KALRN: variants seen among roughly 807,000 people sequenced by gnomAD.
KALRN encodes kalirin RhoGEF kinase, also known as kalirin.
KALRN carries 70 observed loss-of-function variants against 353.7 expected under a neutral mutation model. The ratio of observed to expected loss-of-function variants is 0.20; its 90% CI spans 0.16 to 0.24. KALRN has a LOEUF of 0.24. KALRN is among the 10% of genes least tolerant of loss of function. The pLI is 1.00. For missense variants in KALRN, 2,791 were observed against 3,756.7 expected (o/e 0.74, Z 6.72); for synonymous variants, 1,391 against 1,434.8 (o/e 0.97, Z 0.69).
rs190071372 is a variant in KALRN at position 124,431,638 on chromosome 3, G to A, written c.2829+863G>A. Among the ~76,000 whole-genome samples the A allele has an allele frequency of 7.2e-5, 11 of 152,232 alleles. No individual in the cohort carries two copies. The East Asian group carries it at 1.7e-3, about 24-fold the overall frequency. ...AAAGACATTCATTACTTATGGTTCA[G>A]TATAGAATTCAACCCACTTCTGAGC... On this transcript the variant is annotated intron_variant, in intron 16 of 59. Transcript: ENST00000682506.
chr3:124,075,878 A>G (rs1235858651), intron 1 of KALRN, among the ~76,000 whole-genome samples: 1 of 152,180 alleles, frequency 6.6e-6, no homozygotes, highest in African/African-American at 2.4e-5. Context: ...GGAGCTGAGC[A>G]TGCTGTCTGA....
chr3:124,392,657 T>C (rs764325196), intron 11 of KALRN, among the ~76,000 whole-genome samples: 33 of 149,234 alleles, frequency 2.2e-4, no homozygotes, highest in Non-Finnish European at 4.3e-4. Flanking sequence ...CAGGCTGGAG[T>C]GCAGCGGTGC....
chr3:124,355,528 G>A (rs878857506), intron 10 of KALRN, among the ~76,000 whole-genome samples: 1 of 151,960 alleles, frequency 6.6e-6, no homozygotes, highest in African/African-American at 2.4e-5. Context: ...AAGAATAAAA[G>A]GTATAGTGAA....
At chr3:124,281,950 A>T (rs1447780208) in intron 5 of KALRN, among the ~76,000 whole-genome samples, 1 of 152,188 alleles carries the variant, frequency 6.6e-6, no homozygotes, top group Non-Finnish European at 1.5e-5. Flanking sequence ...TAGGAACGCT[A>T]CCTTAATGCA....
At chr3:124,057,308 A>G (rs1024294572) in intron 1 of KALRN, among the ~76,000 whole-genome samples, 2 of 152,182 alleles carry the variant, frequency 1.3e-5, no homozygotes, top group Non-Finnish European at 2.9e-5. Context: ...ACTGGGATTG[A>G]GGGAACAGAA....
At chr3:124,111,175 T>A (rs2062930371) in intron 1 of KALRN, among the ~76,000 whole-genome samples, 1 of 152,228 alleles carries the variant, frequency 6.6e-6, no homozygotes, top group Non-Finnish European at 1.5e-5. Flanking sequence ...AAAGACCATC[T>A]TAGAACCCCA....
intron 13 of KALRN, among the ~76,000 whole-genome samples, chr3:124,409,269 A>T (rs189597588): frequency 6.6e-6 from 1 of 152,346 alleles, no homozygotes; most frequent in East Asian, 1.9e-4. Flanking sequence ...CTTGTGTTCC[A>T]TCTTTCATTC....
At chr3:124,385,209 G>A (rs1258242019) in intron 11 of KALRN, among the ~76,000 whole-genome samples, 173 bp downstream of exon 11, 1 of 152,132 alleles carries the variant, frequency 6.6e-6, no homozygotes, top group East Asian at 1.9e-4. Context: ...AGGTCTCTCC[G>A]AATGGGGCAA....
At chr3:124,391,878 C>T (rs1472251029) in intron 11 of KALRN, among the ~76,000 whole-genome samples, 1 of 152,124 alleles carries the variant, frequency 6.6e-6, no homozygotes, top group Non-Finnish European at 1.5e-5. Context: ...CCTCGGTTAT[C>T]CTGAGACAAA....
In KALRN at chr3:124,722,195, G is replaced by C. The variant is rs1236879998; in HGVS notation, c.*2725G>C. ...GACCACGGCAGGTGGGGGACAAGGA[G>C]GGTATTTTTGAAATTATGTTATGGG... On this transcript the variant is annotated 3_prime_UTR_variant, in exon 60 of 60. Coordinates refer to ENST00000682506, the MANE Select transcript of KALRN (RefSeq NM_001388419.1). 1 of 152,100 alleles carries C rather than the reference G, an allele frequency of 6.6e-6. No individual in the cohort carries two copies. The highest frequency in any genetic ancestry group is 1.5e-5 in the Non-Finnish European group (1 of 68,062). 9.4% of individuals were successfully genotyped at this position (152,100 alleles called of 1,614,324 possible). A position where few individuals can be genotyped will look rare whatever the true frequency, so the allele number is the denominator to read the frequency against.
chr3:124,523,434 G>A (rs543520961), intron 33 of KALRN, among the ~76,000 whole-genome samples: 12 of 152,232 alleles, frequency 7.9e-5, no homozygotes, highest in Admixed American at 4.6e-4. Flanking sequence ...GGTATTTTAC[G>A]GAGAAAATGC....
At chr3:124,513,522 C>T (rs947763284) in intron 33 of KALRN, among the ~76,000 whole-genome samples, 1 of 152,134 alleles carries the variant, frequency 6.6e-6, no homozygotes, top group South Asian at 2.1e-4. Flanking sequence ...ACAGCTCCCC[C>T]GAACCCATTA....
intron 3 of KALRN, among the ~76,000 whole-genome samples, chr3:124,261,328 G>T (rs1241094058): frequency 6.6e-6 from 1 of 152,116 alleles, no homozygotes; most frequent in Non-Finnish European, 1.5e-5. Flanking sequence ...TTATTGTTAG[G>T]ATATAATGAA....
chr3:124,250,272 C>T (rs2070941852), intron 3 of KALRN, among the ~76,000 whole-genome samples: 1 of 152,210 alleles, frequency 6.6e-6, no homozygotes, highest in South Asian at 2.1e-4. Flanking sequence ...GAGGATTCCA[C>T]CTGGCCTGCC....
intron 1 of KALRN, chr3:124,100,453 A>T (rs2061771010): frequency 6.6e-6 from 1 of 152,170 alleles, no homozygotes; most frequent in Non-Finnish European, 1.5e-5. Flanking sequence ...GGAAAATGGG[A>T]TATCTATATT....
intron 45 of KALRN, among the ~76,000 whole-genome samples, chr3:124,663,339 C>G (rs368120470): frequency 2.6e-5 from 4 of 152,252 alleles, no homozygotes; most frequent in East Asian, 3.9e-4. Flanking sequence ...CTGTAAAGAC[C>G]CCATTTCCCA....
intron 42 of KALRN, 88 bp from the exon 43 acceptor site, chr3:124,659,277 G>T (rs2084508421): frequency 1.2e-6 from 1 of 865,526 alleles, no homozygotes; most frequent in African/African-American, 1.7e-5. Flanking sequence ...AAAACATGCA[G>T]ACCTGTCTTC....
At chr3:124,660,741 C>G (rs1337292957) in intron 43 of KALRN, among the ~76,000 whole-genome samples, 182 bp from the exon 44 acceptor site, 1 of 151,432 alleles carries the variant, frequency 6.6e-6, no homozygotes, top group Non-Finnish European at 1.5e-5. Context: ...TGGGAGTTCT[C>G]TCTATGTTAT....
At chr3:124,460,601 G>T (rs2059757232) in intron 23 of KALRN, among the ~76,000 whole-genome samples, 1 of 152,144 alleles carries the variant, frequency 6.6e-6, no homozygotes, top group Admixed American at 6.5e-5. Context: ...CCATGCACTA[G>T]GCATGTTGCT....
Sources: gnomAD v4.1 joint callset for allele counts (sites outside exome capture counted in the v4.1 genomes callset) on GRCh38, gnomAD v4.1.1 for gene constraint, MANE v1.5 for transcripts, NCBI Gene and HGNC (gene_info 2026-07-23, HGNC 2026-07-21) for gene names.